RBPMS: variants seen among roughly 807,000 people sequenced by gnomAD.
The protein encoded by RBPMS is RNA-binding protein with multiple splicing.
RBPMS carries 7 observed loss-of-function variants against 26.8 expected under a neutral mutation model. The observed-to-expected ratio is 0.26, with a 90% CI of 0.15 to 0.49. The LOEUF (loss-of-function observed/expected upper bound fraction) is 0.49, where lower values mean the gene tolerates loss of function less well. Ranked by LOEUF, RBPMS falls within the 20% of genes least tolerant of loss-of-function variation. The pLI is 0.98. For synonymous variants in RBPMS, 96 were observed against 93.3 expected (o/e 1.03, Z -0.17); for missense variants, 186 against 250.0 (o/e 0.74, Z 1.73).
intron 1 of RBPMS, among the ~76,000 whole-genome samples, chr8:30,425,260 C>T (rs1279110725): frequency 6.6e-6 from 1 of 152,106 alleles, no homozygotes; most frequent in Non-Finnish European, 1.5e-5. Context: ...ATTATTACTA[C>T]TTTTATGGAA....
intron 1 of RBPMS, among the ~76,000 whole-genome samples, chr8:30,458,897 G>GA (rs1414840827): frequency 2.8e-4 from 43 of 151,452 alleles, no homozygotes; most frequent in African/African-American, 9.7e-4. Context: ...TAAAGATAGG[G>GA]TCTCACTTTG....
chr8:30,519,316 A>G (rs560942097), intron 5 of RBPMS, among the ~76,000 whole-genome samples: 14 of 152,192 alleles, frequency 9.2e-5, no homozygotes, highest in African/African-American at 3.4e-4. Flanking sequence ...TTTAGCCACA[A>G]CTTTTTGATT....
chr8:30,458,980 T>TG (rs1489170050), intron 1 of RBPMS, among the ~76,000 whole-genome samples: 1 of 149,888 alleles, frequency 6.7e-6, no homozygotes, highest in African/African-American at 2.5e-5. Flanking sequence ...TTTTTTTTTT[T>TG]GAGACGGAGT....
intron 4 of RBPMS, among the ~76,000 whole-genome samples, chr8:30,499,956 A>G (rs941522754): frequency 1.3e-5 from 2 of 152,224 alleles, no homozygotes; most frequent in African/African-American, 2.4e-5. Flanking sequence ...CAAAGGGTAT[A>G]TAGGAATTAT....
intron 7 of RBPMS, chr8:30,561,796 C>T: frequency 5.4e-6 from 5 of 929,200 alleles, no homozygotes; most frequent in Non-Finnish European, 6.4e-6. Context: ...GGCCTGGGAC[C>T]TAAGGAAGGG....
intron 5 of RBPMS, among the ~76,000 whole-genome samples, chr8:30,516,670 A>G (rs1236912247): frequency 6.6e-6 from 1 of 152,218 alleles, no homozygotes; most frequent in African/African-American, 2.4e-5. Flanking sequence ...ACAAAGATGT[A>G]AGGCATTTAT....
chr8:30,417,885 G>T (rs1301237838), intron 1 of RBPMS, among the ~76,000 whole-genome samples: 1 of 151,968 alleles, frequency 6.6e-6, no homozygotes, highest in East Asian at 1.9e-4. Context: ...GTGTACTTTT[G>T]TAATTAAAAA....
rs114113667 is a variant in RBPMS, at chr8:30,467,516, G to A, written c.67-7263G>A. On this transcript the variant is annotated intron_variant, in intron 1 of 8. Coordinates refer to ENST00000397323, the MANE Select transcript of RBPMS (RefSeq NM_001008710.3). ...CAGAAGAGGGATGGCACTGCCATAGGTATGGGAGTGATCCCTCAGTTCTTA... is the reference window on the plus strand; with the variant it reads ...CAGAAGAGGGATGGCACTGCCATAGATATGGGAGTGATCCCTCAGTTCTTA... Among the ~76,000 whole-genome samples, 818 of 152,320 alleles carry A rather than the reference G, an allele frequency of 5.4e-3. 11 individuals are homozygous for A. The highest frequency in any genetic ancestry group is 0.019 in the African/African-American group (776 of 41,552).
intron 6 of RBPMS, 92 bp downstream of exon 6, chr8:30,544,716 A>G: frequency 1.2e-6 from 2 of 1,603,248 alleles, no homozygotes; most frequent in African/African-American, 1.3e-5. Context: ...ACTAACACCT[A>G]TCCAGCTAAC....
intron 5 of RBPMS, 61 bp downstream of exon 5, chr8:30,504,497 T>C (rs985011407): frequency 1.4e-5 from 21 of 1,540,692 alleles, no homozygotes; most frequent in Non-Finnish European, 1.7e-5. Flanking sequence ...ATGTGCTGCA[T>C]GTGAGGTTAC....
intron 1 of RBPMS, chr8:30,442,701 T>C (rs1033883817): frequency 6.6e-5 from 10 of 152,188 alleles, no homozygotes; most frequent in African/African-American, 2.4e-4. Flanking sequence ...GCCGCACTTC[T>C]GGTTGCGCGG....
At chr8:30,457,318 A>G (rs931164737) in intron 1 of RBPMS, among the ~76,000 whole-genome samples, 4 of 152,208 alleles carry the variant, frequency 2.6e-5, no homozygotes, top group Non-Finnish European at 2.9e-5. Flanking sequence ...ACAAATCTGT[A>G]TTCTCATTCA....
chr8:30,431,016 A>G (rs1361613772), intron 1 of RBPMS, among the ~76,000 whole-genome samples: 3 of 152,178 alleles, frequency 2.0e-5, no homozygotes, highest in Non-Finnish European at 4.4e-5. Context: ...TAATGTATGA[A>G]GCGGTTTTCA....
At chr8:30,448,351 TGTTTGCA>T (rs1814126780) in intron 1 of RBPMS, among the ~76,000 whole-genome samples, 1 of 152,188 alleles carries the variant, frequency 6.6e-6, no homozygotes, top group African/African-American at 2.4e-5. Flanking sequence ...AACACCAAGA[TGTTTGCA>T]GGGCAGATGC....
chr8:30,434,875 C>T (rs1462652119), intron 1 of RBPMS, among the ~76,000 whole-genome samples: 1 of 151,954 alleles, frequency 6.6e-6, no homozygotes, highest in Non-Finnish European at 1.5e-5. Flanking sequence ...TCTAAGGGTT[C>T]TCATGGGACA....
At chr8:30,509,050 G>A (rs1821329351) in intron 5 of RBPMS, among the ~76,000 whole-genome samples, 1 of 152,108 alleles carries the variant, frequency 6.6e-6, no homozygotes, top group Non-Finnish European at 1.5e-5. Flanking sequence ...CGGTTCTGCA[G>A]GTCTGGGCTA....
chr8:30,443,448 A>G (rs1190161458), intron 1 of RBPMS, among the ~76,000 whole-genome samples: 2 of 152,194 alleles, frequency 1.3e-5, no homozygotes, highest in Non-Finnish European at 2.9e-5. Flanking sequence ...GATTTTGGAC[A>G]GGTTCCTTAA....
At chr8:30,474,396 A>G (rs138090955) in intron 1 of RBPMS, among the ~76,000 whole-genome samples, 74 of 152,314 alleles carry the variant, frequency 4.9e-4, no homozygotes, top group African/African-American at 1.7e-3. Flanking sequence ...TCTTAAGCTA[A>G]TATTTAAATT....
chr8:30,514,425 G>A (rs1010605050), intron 5 of RBPMS, among the ~76,000 whole-genome samples: 18 of 152,136 alleles, frequency 1.2e-4, no homozygotes, highest in South Asian at 2.1e-4. Context: ...GTCACTTCAC[G>A]GAAAATGACA....
Sources: gnomAD v4.1 joint callset for allele counts (sites outside exome capture counted in the v4.1 genomes callset) on GRCh38, gnomAD v4.1.1 for gene constraint, MANE v1.5 for transcripts, NCBI Gene and HGNC (gene_info 2026-07-23, HGNC 2026-07-21) for gene names.